The following DOT1L variants were observed in gnomAD, a reference collection of about 807,000 sequenced individuals.
DOT1L encodes the protein histone-lysine N-methyltransferase, H3 lysine-79 specific.
DOT1L carries 33 observed loss-of-function variants against 153.3 expected under a neutral mutation model. The ratio of observed to expected loss-of-function variants is 0.22; its 90% confidence interval spans 0.16 to 0.29. The LOEUF is 0.29. DOT1L is among the 10% of genes least tolerant of loss of function. The pLI is 1.00. For missense variants in DOT1L, 1,847 were observed against 2,119.9 expected, an observed-to-expected ratio of 0.87 and a Z score of 2.53; for synonymous variants, 1,135 against 965.1, an observed-to-expected ratio of 1.18 and a Z score of -3.26.
intron 26 of DOT1L, 82 bp from the exon 27 acceptor site, chr19:2,226,101 C>CAA (rs2024318472): frequency 9.1e-6 from 13 of 1,423,694 alleles, no homozygotes; most frequent in Non-Finnish European, 1.0e-5. Flanking sequence ...TTGCCCGGGC[C>CAA]GTGGCAGCAG....
intron 8 of DOT1L, among the ~76,000 whole-genome samples, chr19:2,201,708 T>C (rs989328873): frequency 2.0e-5 from 3 of 152,182 alleles, no homozygotes; most frequent in Non-Finnish European, 4.4e-5. Context: ...ATTACTGTCT[T>C]ATAACAAACT....
chr19:2,193,883 C>A lies in DOT1L; in HGVS notation c.588+100C>A. The A allele has an allele frequency of 7.8e-7, 1 of 1,277,654 alleles. No individual in the cohort carries two copies. Among genetic ancestry groups the A allele is most frequent in the South Asian group, 1.3e-5 (1 of 74,734 alleles). 79.1% of individuals were successfully genotyped at this position (1,277,654 alleles called of 1,614,324 possible). ...CCCCACTGCTGTGGGACTTCCGAGT[C>A]TGGGTGGCGTTCTTTCCAGGCCCAA... On this transcript the variant is annotated intron_variant, in intron 6 of 27. Coordinates refer to ENST00000398665, the MANE Select transcript of DOT1L (RefSeq NM_032482.3). The surrounding 1 kb of genome is among the most constrained non-coding windows in gnomAD (Gnocchi z 5.9).
chr19:2,172,671 G>GT (rs142103906), intron 1 of DOT1L, among the ~76,000 whole-genome samples: 2,433 of 150,496 alleles, frequency 0.016, 172 homozygotes, highest in East Asian at 0.15. Context: ...GGCCCAGCTA[G>GT]TTTTTGTATT....
intron 1 of DOT1L, chr19:2,164,503 T>G: frequency 6.8e-6 from 2 of 295,672 alleles, no homozygotes; most frequent in Non-Finnish European, 1.2e-5. Flanking sequence ...CCCCGAGCCC[T>G]ACCGCGGTGC....
chr19:2,164,157 G>A lies in DOT1L; in HGVS notation c.-28G>A, dbSNP rs1466140630. 3.8e-6 allele frequency: 4 copies of A among 1,052,438 alleles called. No individual in the cohort carries two copies. Among genetic ancestry groups the A allele is most frequent in the Admixed American group, 6.1e-5 (1 of 16,366 alleles). The allele number at this position is 1,052,438 out of a possible 1,614,324, so 65.2% of individuals were successfully genotyped here. A position where few individuals can be genotyped will look rare whatever the true frequency, so the allele number is the denominator to read the frequency against. On this transcript the variant is annotated 5_prime_UTR_variant, in exon 1 of 28. Transcript: ENST00000398665. ...CGCCCCTCCCCCAACCGCCCGCCTA[G>A]CATGGTGCGGCGGCCGCGCGCGCGG...
chr19:2,228,414 C>G (rs530084791), intron 27 of DOT1L: 2 of 1,250,862 alleles, frequency 1.6e-6, no homozygotes, highest in Admixed American at 2.7e-5. Flanking sequence ...GTGGCTCACT[C>G]CAGACACTGA....
chr19:2,186,544 C>T (rs564358766), intron 3 of DOT1L, among the ~76,000 whole-genome samples: 2 of 152,222 alleles, frequency 1.3e-5, no homozygotes, highest in Non-Finnish European at 2.9e-5. Context: ...GCTGTGCTGT[C>T]GTGAGCTTAG....
At position 2,210,604 on chromosome 19, in the gene DOT1L, T is replaced by TC; in HGVS notation, c.1117-14dup. 2 of 1,609,856 alleles carry TC rather than the reference T, an allele frequency of 1.2e-6. No homozygotes were observed. The highest frequency in any genetic ancestry group is 1.7e-6 in the Non-Finnish European group (2 of 1,178,178). ...GAGGCTCTGTGCCCATCCCTGTTCT[T>TC]CCCTTGTGTCCTCCAGGACTCTGGT... On this transcript the variant is annotated splice_polypyrimidine_tract_variant and intron_variant, in intron 13 of 27. Transcript: ENST00000398665.
chr19:2,207,417 C>T lies in DOT1L; in HGVS notation c.857-157C>T, dbSNP rs554219688. ...TGTTGAATGGTGCACCTCCCTGGGC[C>T]GGCCTCTGTGGGCCACTGTGGCCTG... On this transcript the variant is annotated intron_variant, in intron 10 of 27. Coordinates refer to ENST00000398665, the MANE Select transcript of DOT1L (RefSeq NM_032482.3). This position sits in a 1 kb window ranked among gnomAD's most constrained non-coding sequence, Gnocchi z 4.5. Among the ~76,000 whole-genome samples, 3 of 152,298 alleles carry T rather than the reference C, an allele frequency of 2.0e-5. No individual in the cohort carries two copies. Among genetic ancestry groups the T allele is most frequent in the Admixed American group, 6.5e-5 (1 of 15,304 alleles).
In DOT1L at chr19:2,222,067, T is replaced by C. The variant is rs759218112; in HGVS notation, c.2898T>C (p.Asp966=). Residue 966 remains aspartate, a synonymous_variant, in exon 24 of 28, where the codon GAT becomes GAC. Coordinates refer to ENST00000398665, the MANE Select transcript of DOT1L (RefSeq NM_032482.3). The surrounding 1 kb of genome is among the most constrained non-coding windows in gnomAD (Gnocchi z 6.5). ...LTPGAEPATL[D]ESSSSGSLFA... ...CTGGAGCCGAGCCGGCCACCTTGGA[T>C]GAGTCCTCCAGCTCTGGGAGCCTTT... The C allele has an allele frequency of 9.3e-6, 15 of 1,613,270 alleles. No homozygotes were observed. Among genetic ancestry groups the C allele is most frequent in the Non-Finnish European group, 1.2e-5 (14 of 1,179,904 alleles).
In DOT1L at chr19:2,207,640, A is replaced by C; in HGVS notation, c.923A>C (p.Lys308Thr). The change falls in exon 11 of 28, where the codon AAG becomes ACG. Residue 308 changes from lysine to threonine, a missense_variant. Transcript: ENST00000398665. This position sits in a 1 kb window ranked among gnomAD's most constrained non-coding sequence, Gnocchi z 4.5. ...AAGGGCTCGGTGTCGTGGACGGGGA[A>C]GCCAGTCTCCTACTACCTGCACACT... is the stretch of plus-strand genomic sequence containing the variant. ...PLKGSVSWTG[K>T]PVSYYLHTID... 6.2e-7 allele frequency: 1 copy of C among 1,612,832 alleles called. No homozygotes were observed. The highest frequency in any genetic ancestry group is 8.5e-7 in the Non-Finnish European group (1 of 1,179,776).
rs773830034 is a variant in DOT1L, at chr19:2,210,687, C to T, written c.1183C>T (p.Arg395Cys). 4.3e-6 allele frequency: 7 copies of T among 1,613,136 alleles called. No individual in the cohort carries two copies. Among genetic ancestry groups the T allele is most frequent in the South Asian group, 1.1e-5 (1 of 91,088 alleles). Residue 395 changes from arginine to cysteine, a missense_variant, in exon 14 of 28, where the codon CGC becomes TGC. By Grantham distance (180) the Arg-to-Cys change is radical. Coordinates refer to ENST00000398665, the MANE Select transcript of DOT1L (RefSeq NM_032482.3). The part of the protein sequence containing the change: ...TVKKPSPSKA[R>C]KKKLNKKGRK... ...GAAGAAGCCGTCTCCCTCCAAAGCC[C>T]GCAAGAAGAAGCTAAACAAGAAGGG...
intron 18 of DOT1L, 134 bp from the exon 19 acceptor site, chr19:2,214,337 T>G: frequency 7.1e-7 from 1 of 1,415,702 alleles, no homozygotes; most frequent in African/African-American, 1.4e-5. Context: ...AGCCTGCTAT[T>G]CCAGAAACGG....
chr19:2,189,844 G>A lies in DOT1L; in HGVS notation c.264+49G>A, dbSNP rs376425351. 3.5e-5 allele frequency: 56 copies of A among 1,598,918 alleles called. No homozygotes were observed. The East Asian group carries it at 4.0e-4, about 11-fold the overall frequency. ...AGGGGGTTAGTAGTGCCAGGCTCCC[G>A]GACCCCTCCAGACCCCTTATGTCAC... is the stretch of plus-strand genomic sequence containing the variant. On this transcript the variant is annotated intron_variant, in intron 4 of 27. Coordinates refer to ENST00000398665, the MANE Select transcript of DOT1L (RefSeq NM_032482.3).
chr19:2,229,962 C>T lies in DOT1L; in HGVS notation c.*170C>T. 3 of 994,854 alleles carry T rather than the reference C, an allele frequency of 3.0e-6. No individual in the cohort carries two copies. The highest frequency in any genetic ancestry group is 4.5e-6 in the Non-Finnish European group (3 of 663,742). 61.6% of individuals were successfully genotyped at this position (994,854 alleles called of 1,614,324 possible). A position where few individuals can be genotyped will look rare whatever the true frequency, so the allele number is the denominator to read the frequency against. ...CGCGCCGCAGGAGGCTGGGACTGGT[C>T]CAGTTTGTACTGTCGATAGTTTTAG... On this transcript the variant is annotated 3_prime_UTR_variant, in exon 28 of 28. Coordinates refer to ENST00000398665, the MANE Select transcript of DOT1L (RefSeq NM_032482.3).
intron 1 of DOT1L, among the ~76,000 whole-genome samples, chr19:2,173,292 C>A (rs1409493307): frequency 6.6e-6 from 1 of 152,210 alleles, no homozygotes. Context: ...CGGTGTCTGT[C>A]AGCCTGTGCT....
chr19:2,225,285 G>T (rs552324113), intron 25 of DOT1L, 103 bp from the exon 26 acceptor site: 1 of 1,185,790 alleles, frequency 8.4e-7, no homozygotes, highest in Non-Finnish European at 1.3e-6. Context: ...AGTGCTTCTC[G>T]TTCACCACCT....
chr19:2,186,069 A>G, intron 3 of DOT1L, 140 bp downstream of exon 3: 1 of 795,910 alleles, frequency 1.3e-6, no homozygotes, highest in South Asian at 1.6e-5. Context: ...GGCCGTGGCC[A>G]CCATAAAGTT....
rs769353058 is a variant in DOT1L, at chr19:2,214,599, GGGCTGCGCGCGA to G, written c.1923+10_1923+21del. 12 of 1,612,042 alleles carry G rather than the reference GGGCTGCGCGCGA, an allele frequency of 7.4e-6. No homozygotes were observed. In the South Asian group the frequency reaches 1.3e-4, roughly 18 times the overall value. On this transcript the variant is annotated splice_donor_5th_base_variant and intron_variant, in intron 19 of 27. Coordinates refer to ENST00000398665, the MANE Select transcript of DOT1L (RefSeq NM_032482.3). ...AGAGGCACTGCCTGGAGCTGCAGGT[GGGCTGCGCGCGA>G]GGCTGCACTCCGTGGTGTCCGAGCC... is the stretch of plus-strand genomic sequence containing the variant.
Sources: gnomAD v4.1 joint callset for allele counts (sites outside exome capture counted in the v4.1 genomes callset) on GRCh38, gnomAD v4.1.1 for gene constraint, Gnocchi (gnomAD v3.1) non-coding constraint, MANE v1.5 for transcripts, NCBI Gene and HGNC (gene_info 2026-07-23, HGNC 2026-07-21) for gene names.